MALRD1: variants seen among roughly 807,000 people sequenced by gnomAD.
The protein encoded by MALRD1 is MAM and LDL receptor class A domain containing 1.
MALRD1 carries 247 observed loss-of-function variants against 242.1 expected under a neutral mutation model. That is an observed-to-expected ratio of 1.02 (90% CI 0.92 to 1.13). The LOEUF is 1.13. Among genes scored for constraint, MALRD1 ranks in the 50% most tolerant of loss-of-function variants. MALRD1 has a pLI of 0.00. For missense variants in MALRD1, 2,989 were observed against 2,533.1 expected (o/e 1.18, Z -3.86); for synonymous variants, 995 against 866.6 (o/e 1.15, Z -2.60).
chr10:19,295,686 T>C (rs1374885687), intron 21 of MALRD1, among the ~76,000 whole-genome samples: 1 of 152,142 alleles, frequency 6.6e-6, no homozygotes, highest in African/African-American at 2.4e-5. Flanking sequence ...GGATCTTTCA[T>C]GTGTCTCCTA....
At chr10:19,491,470 T>C (rs1310691149) in intron 29 of MALRD1, 47 bp from the exon 30 acceptor site, 1 of 1,537,660 alleles carries the variant, frequency 6.5e-7, no homozygotes, top group Non-Finnish European at 8.8e-7. Context: ...TCAAGTCTAA[T>C]GAAAATATTG....
chr10:19,330,478 C>T (rs375194667), intron 23 of MALRD1, among the ~76,000 whole-genome samples: 4 of 152,006 alleles, frequency 2.6e-5, no homozygotes, highest in African/African-American at 9.7e-5. Context: ...TGTTAACTCG[C>T]CTCCAATTGT....
intron 11 of MALRD1, 54 bp from the exon 12 acceptor site, chr10:19,155,021 A>G: frequency 1.0e-6 from 1 of 985,846 alleles, no homozygotes; most frequent in South Asian, 5.1e-5. Context: ...AGCAAAGAAC[A>G]GCTAAGTGTG....
At chr10:19,491,344 G>A in intron 29 of MALRD1, 173 bp from the exon 30 acceptor site, 1 of 790,346 alleles carries the variant, frequency 1.3e-6, no homozygotes, top group Non-Finnish European at 2.0e-6. Context: ...ATAACTTGCT[G>A]AACCATTGAA....
rs1048003673 is a variant in MALRD1 at position 19,651,991 on chromosome 10, G to A, written c.6137+36068G>A. Among the ~76,000 whole-genome samples the A allele has an allele frequency of 5.9e-5, 9 of 152,224 alleles. No individual in the cohort carries two copies. In the East Asian group the frequency reaches 1.2e-3, roughly 20 times the overall value. On this transcript the variant is annotated intron_variant, in intron 36 of 39. Coordinates refer to ENST00000454679, the MANE Select transcript of MALRD1 (RefSeq NM_001142308.3). ...ATGCCACAGAGCTGATGGAGAAGGG[G>A]CACCAGTGTGGTTGCGACTTGAACC... is the stretch of plus-strand genomic sequence containing the variant.
intron 29 of MALRD1, among the ~76,000 whole-genome samples, chr10:19,472,504 A>G (rs1291067606): frequency 6.6e-6 from 1 of 152,032 alleles, no homozygotes; most frequent in Non-Finnish European, 1.5e-5. Context: ...AGAATTTGGT[A>G]AAATTCACCA....
chr10:19,285,574 G>A lies in MALRD1; in HGVS notation c.3419+2393G>A, dbSNP rs371241991. Among the ~76,000 whole-genome samples, 291 of 151,546 alleles carry A rather than the reference G, an allele frequency of 1.9e-3. 1 individual carries two copies. The highest frequency in any genetic ancestry group is 6.4e-3 in the African/African-American group (263 of 41,134). On this transcript the variant is annotated intron_variant, in intron 21 of 39. Transcript: ENST00000454679. ...GATCACATAGTTGTAGATATGCGGC[G>A]TTATTTCTGAGGGCTCTGTTCTGTT...
chr10:19,679,973 T>G (rs1022507783), intron 36 of MALRD1, among the ~76,000 whole-genome samples: 6 of 152,198 alleles, frequency 3.9e-5, no homozygotes, highest in African/African-American at 1.4e-4. Flanking sequence ...GTAAGTTTCT[T>G]AATCTTGAGT....
intron 28 of MALRD1, among the ~76,000 whole-genome samples, chr10:19,429,702 A>T (rs1324048700): frequency 6.6e-6 from 1 of 152,060 alleles, no homozygotes; most frequent in Non-Finnish European, 1.5e-5. Context: ...TTACCCCCAT[A>T]CGTTCAATTA....
chr10:19,285,816 G>A (rs974124616), intron 21 of MALRD1, among the ~76,000 whole-genome samples: 3 of 110,292 alleles, frequency 2.7e-5, no homozygotes, highest in African/African-American at 1.1e-4. Context: ...TGATGGGGAT[G>A]GCATTGAATC....
chr10:19,448,021 A>T (rs952723730), intron 28 of MALRD1, among the ~76,000 whole-genome samples: 1 of 152,180 alleles, frequency 6.6e-6, no homozygotes, highest in Non-Finnish European at 1.5e-5. Flanking sequence ...TAACTGATGC[A>T]TAGTTGTGCT....
intron 36 of MALRD1, among the ~76,000 whole-genome samples, chr10:19,668,256 T>A (rs1841764802): frequency 6.6e-6 from 1 of 152,168 alleles, no homozygotes; most frequent in African/African-American, 2.4e-5. Flanking sequence ...CTCTTAGATC[T>A]TCCCCATGCC....
chr10:19,444,825 C>T (rs1834876853), intron 28 of MALRD1, among the ~76,000 whole-genome samples: 1 of 152,072 alleles, frequency 6.6e-6, no homozygotes, highest in Admixed American at 6.5e-5. Flanking sequence ...TTGTGGCATT[C>T]TCTGTATCTC....
intron 21 of MALRD1, among the ~76,000 whole-genome samples, chr10:19,291,668 G>A (rs1841434055): frequency 6.6e-6 from 1 of 151,734 alleles, no homozygotes; most frequent in African/African-American, 2.4e-5. Flanking sequence ...GCTAAAAGAG[G>A]GTCGCTTTCT....
At chr10:19,625,106 T>A (rs993966007) in intron 36 of MALRD1, among the ~76,000 whole-genome samples, 1 of 151,754 alleles carries the variant, frequency 6.6e-6, no homozygotes, top group African/African-American at 2.4e-5. Flanking sequence ...ATTAAGTACT[T>A]TTCCCAGAGA....
chr10:19,067,450 C>T (rs930098508), intron 2 of MALRD1, among the ~76,000 whole-genome samples: 4 of 152,058 alleles, frequency 2.6e-5, no homozygotes, highest in Non-Finnish European at 5.9e-5. Context: ...GATAGGTTTA[C>T]ACGTGGTAGA....
intron 11 of MALRD1, among the ~76,000 whole-genome samples, chr10:19,150,725 C>G (rs976276193): frequency 6.6e-6 from 1 of 152,058 alleles, no homozygotes; most frequent in Non-Finnish European, 1.5e-5. Flanking sequence ...TGCTTTTTTT[C>G]TAATATTTTT....
intron 29 of MALRD1, among the ~76,000 whole-genome samples, chr10:19,474,899 A>G (rs905287147): frequency 1.3e-5 from 2 of 152,204 alleles, no homozygotes; most frequent in Admixed American, 6.5e-5. Flanking sequence ...AAAAAAACCT[A>G]GAAAAATGAA....
chr10:19,502,899 G>T (rs1838040066), intron 31 of MALRD1, among the ~76,000 whole-genome samples: 1 of 150,242 alleles, frequency 6.7e-6, no homozygotes, highest in African/African-American at 2.5e-5. Context: ...GTGTTCAATT[G>T]ATACCTTTTA....
Sources: gnomAD v4.1 joint callset for allele counts (sites outside exome capture counted in the v4.1 genomes callset) on GRCh38, gnomAD v4.1.1 for gene constraint, MANE v1.5 for transcripts, NCBI Gene and HGNC (gene_info 2026-07-23, HGNC 2026-07-21) for gene names.